The following TMEM229B variants were observed in gnomAD, a reference collection of about 807,000 sequenced individuals.
TMEM229B encodes the protein transmembrane protein 229B, also known as chromosome 14 open reading frame 83.
TMEM229B carries 6 observed loss-of-function variants against 13.7 expected under a neutral mutation model. That is an observed-to-expected ratio of 0.44 (90% CI 0.24 to 0.86). TMEM229B has a LOEUF of 0.86. Ranked by LOEUF, TMEM229B falls within the 40% of genes least tolerant of loss-of-function variation. The pLI, the probability that TMEM229B is intolerant of heterozygous loss-of-function variation, is 0.23. For synonymous variants in TMEM229B, 107 were observed against 102.1 expected, an observed-to-expected ratio of 1.05 and a Z score of -0.29; for missense variants, 170 against 236.0, an observed-to-expected ratio of 0.72 and a Z score of 1.83.
chr14:67,499,671 C>T (rs77827997), intron 1 of TMEM229B, among the ~76,000 whole-genome samples: 181 of 152,078 alleles, frequency 1.2e-3, no homozygotes, highest in Admixed American at 2.7e-3. Flanking sequence ...GAAGCATGGA[C>T]AGGAATAGGG....
chr14:67,517,029 G>A (rs1207281441), upstream of TMEM229B, among the ~76,000 whole-genome samples: 1 of 152,190 alleles, frequency 6.6e-6, no homozygotes, highest in Non-Finnish European at 1.5e-5. Flanking sequence ...TGGATAACAG[G>A]AAAACTTGTT....
intron 1 of TMEM229B, among the ~76,000 whole-genome samples, chr14:67,500,340 G>A (rs553654543): frequency 6.6e-6 from 1 of 152,018 alleles, no homozygotes; most frequent in South Asian, 2.1e-4. Context: ...TGGGCATGGT[G>A]GCGGGCGCCT....
chr14:67,484,355 T>C (rs1159580116), intron 2 of TMEM229B, among the ~76,000 whole-genome samples: 2 of 152,228 alleles, frequency 1.3e-5, no homozygotes, highest in African/African-American at 4.8e-5. Flanking sequence ...TAAACACTGA[T>C]GAGGGCAGGT....
chr14:67,521,850 G>C (rs1057078045), intron 1 of TMEM229B, among the ~76,000 whole-genome samples: 5 of 152,156 alleles, frequency 3.3e-5, no homozygotes. Context: ...AACTGTGATC[G>C]TAAGTCTTTT....
intron 1 of TMEM229B, among the ~76,000 whole-genome samples, chr14:67,523,807 C>T (rs1429260337): frequency 5.3e-5 from 8 of 152,108 alleles, no homozygotes; most frequent in African/African-American, 1.2e-4. Flanking sequence ...AAAGAACAGA[C>T]GTGGGAAGGG....
At chr14:67,485,824 G>A (rs750450375) in intron 2 of TMEM229B, among the ~76,000 whole-genome samples, 9 of 152,214 alleles carry the variant, frequency 5.9e-5, no homozygotes, top group African/African-American at 1.9e-4. Flanking sequence ...AGCTTGTCTC[G>A]CTGAGGAGGA....
intron 1 of TMEM229B, among the ~76,000 whole-genome samples, chr14:67,496,714 TTTTC>T (rs1320733888): frequency 8.7e-5 from 13 of 149,512 alleles, no homozygotes; most frequent in African/African-American, 2.0e-4. Context: ...TCCCTTCCCC[TTTTC>T]TTTCTTTCTC....
intron 1 of TMEM229B, among the ~76,000 whole-genome samples, chr14:67,531,048 T>C (rs542998210): frequency 6.6e-6 from 1 of 152,226 alleles, no homozygotes; most frequent in East Asian, 1.9e-4. Context: ...AGGCACATGA[T>C]GGCTTTTCTT....
intron 2 of TMEM229B, among the ~76,000 whole-genome samples, chr14:67,477,613 T>A (rs2031301049): frequency 6.6e-6 from 1 of 152,070 alleles, no homozygotes; most frequent in Non-Finnish European, 1.5e-5. Flanking sequence ...CCCACAGGCA[T>A]CCCAAACTCC....
At chr14:67,485,111 C>T (rs2031797640) in intron 2 of TMEM229B, among the ~76,000 whole-genome samples, 2 of 152,198 alleles carry the variant, frequency 1.3e-5, no homozygotes, top group South Asian at 4.1e-4. Flanking sequence ...GGTACTATTT[C>T]CTAATAATAT....
rs1422064537 is a variant in TMEM229B, at chr14:67,473,515, G to A, written c.409C>T (p.Arg137Cys). The A allele has an allele frequency of 1.7e-5, 28 of 1,614,158 alleles. No individual in the cohort carries two copies. The highest frequency in any genetic ancestry group is 2.2e-5 in the Non-Finnish European group (26 of 1,180,018). Residue 137 changes from arginine to cysteine, a missense_variant, in exon 3 of 3, where the codon CGC becomes TGC. Physicochemically the swap from Arg to Cys is radical, Grantham distance 180. Coordinates refer to ENST00000554480, the MANE Select transcript of TMEM229B (RefSeq NM_001348543.2). The surrounding 1 kb of genome is among the most constrained non-coding windows in gnomAD (Gnocchi z 6.5). ...GALIMEQFII[R>C]NTLRLRFDKD... is the part of the protein sequence containing the mutation. ...TCGAAGCGGAGGCGGAGGGTGTTGC[G>A]GATGATGAACTGCTCCATGATGAGG...
At chr14:67,482,717 A>G (rs1313893904) in intron 2 of TMEM229B, among the ~76,000 whole-genome samples, 1 of 152,186 alleles carries the variant, frequency 6.6e-6, no homozygotes, top group Non-Finnish European at 1.5e-5. Flanking sequence ...AGCAGGGAGG[A>G]AAATAGGGCT....
chr14:67,479,084 A>C (rs2031413440), intron 2 of TMEM229B, among the ~76,000 whole-genome samples: 1 of 152,126 alleles, frequency 6.6e-6, no homozygotes, highest in Non-Finnish European at 1.5e-5. Flanking sequence ...AAGCATGTAT[A>C]ACTTTTATAA....
chr14:67,521,988 A>G (rs2033297832), intron 1 of TMEM229B, among the ~76,000 whole-genome samples: 1 of 152,100 alleles, frequency 6.6e-6, no homozygotes, highest in Non-Finnish European at 1.5e-5. Flanking sequence ...CAGCCTGACT[A>G]ACATAGTGAA....
chr14:67,532,943 G>A (rs1198175294), intron 1 of TMEM229B, among the ~76,000 whole-genome samples: 1 of 152,074 alleles, frequency 6.6e-6, no homozygotes, highest in African/African-American at 2.4e-5. Context: ...CACCCCTTGC[G>A]GCAGCTGGTG....
chr14:67,530,241 A>G (rs1364288158), intron 1 of TMEM229B, among the ~76,000 whole-genome samples: 1 of 152,198 alleles, frequency 6.6e-6, no homozygotes, highest in East Asian at 1.9e-4. Context: ...ACAACATACT[A>G]TCTCATTTAA....
chr14:67,497,417 G>A (rs2032434824), intron 1 of TMEM229B, among the ~76,000 whole-genome samples: 1 of 151,976 alleles, frequency 6.6e-6, no homozygotes, highest in Non-Finnish European at 1.5e-5. Flanking sequence ...TTCCAGTGCC[G>A]GGATGAGGAA....
At chr14:67,476,992 G>A (rs562255419) in intron 2 of TMEM229B, among the ~76,000 whole-genome samples, 1 of 152,026 alleles carries the variant, frequency 6.6e-6, no homozygotes, top group East Asian at 1.9e-4. Context: ...TGGATGGGTA[G>A]GTATTAATGT....
chr14:67,532,268 A>G (rs2033484557), intron 1 of TMEM229B, among the ~76,000 whole-genome samples: 2 of 152,164 alleles, frequency 1.3e-5, no homozygotes, highest in African/African-American at 2.4e-5. Flanking sequence ...GCCTGGGATG[A>G]GTCTTCCAAG....
Sources: allele counts gnomAD v4.1 joint callset (sites outside exome capture counted in the v4.1 genomes callset), GRCh38; gene constraint gnomAD v4.1.1; non-coding constraint Gnocchi (gnomAD v3.1); transcripts MANE v1.5; gene names NCBI Gene and HGNC (gene_info 2026-07-23, HGNC 2026-07-21).